Variants in SETD7 observed in about 807,000 individuals in gnomAD.
SETD7 encodes histone-lysine N-methyltransferase SETD7.
In SETD7, 16 loss-of-function variants were observed where a neutral mutation model predicts 41.8. That is an observed-to-expected ratio of 0.38 (90% confidence interval 0.26 to 0.58). The LOEUF is 0.58. SETD7 is among the 20% of genes least tolerant of loss of function. SETD7 has a pLI of 0.64. For synonymous variants in SETD7, 163 were observed against 169.7 expected (o/e 0.96, Z 0.31); for missense variants, 346 against 459.7 (o/e 0.75, Z 2.26).
In SETD7 at chr4:139,520,197, A is replaced by G. The variant is rs894352217; in HGVS notation, c.762+80T>C. Reference sequence around the variant, plus strand: ...AATCTGCTTCTTTAACTTTCTAGTGAGTACTAAGGTAAAGGGATTTTGTTT... The same window carrying G: ...AATCTGCTTCTTTAACTTTCTAGTGGGTACTAAGGTAAAGGGATTTTGTTT... On this transcript the variant is annotated intron_variant, in intron 6 of 7. Coordinates refer to ENST00000274031, the MANE Select transcript of SETD7 (RefSeq NM_030648.4). 1.4e-5 allele frequency: 8 copies of G among 590,012 alleles called. No homozygotes were observed. In the African/African-American group the frequency reaches 1.5e-4, roughly 11 times the overall value. 36.5% of individuals were successfully genotyped at this position (590,012 alleles called of 1,614,324 possible).
At chr4:139,523,674 G>T (rs895112326) in intron 4 of SETD7, among the ~76,000 whole-genome samples, 1 of 152,148 alleles carries the variant, frequency 6.6e-6, no homozygotes, top group Admixed American at 6.5e-5. Flanking sequence ...ATTCACTCTT[G>T]AATTTTCCTT....
chr4:139,499,295 G>C lies in SETD7; in HGVS notation c.921-2774C>G, dbSNP rs138870811. ...CAAAAATGGAAATCGAATTTGTAAA[G>C]ACTAACAAGAGGACGCAAGGTTAGA... On this transcript the variant is annotated intron_variant, in intron 7 of 7. Transcript: ENST00000506866. 1.4e-3 allele frequency among the ~76,000 whole-genome samples: 211 copies of C among 152,320 alleles called. 2 individuals carry two copies. The highest frequency in any genetic ancestry group is 4.8e-3 in the African/African-American group (201 of 41,566).
intron 7 of SETD7, among the ~76,000 whole-genome samples, chr4:139,499,766 C>T (rs761793655): frequency 1.3e-4 from 20 of 152,146 alleles, no homozygotes; most frequent in African/African-American, 2.4e-4. Context: ...ATTCTTTCTT[C>T]GCTGCAACAT....
intron 5 of SETD7, among the ~76,000 whole-genome samples, chr4:139,521,745 G>A (rs1344439763): frequency 6.6e-6 from 1 of 152,182 alleles, no homozygotes. Flanking sequence ...AGTGGCTGCA[G>A]GCAAGTCTCA....
At chr4:139,554,030 C>T (rs1728187276) in intron 1 of SETD7, among the ~76,000 whole-genome samples, 1 of 152,192 alleles carries the variant, frequency 6.6e-6, no homozygotes, top group Admixed American at 6.5e-5. Flanking sequence ...TGAGATGCTT[C>T]TAGGGGCTTT....
chr4:139,555,544 A>T lies in SETD7; in HGVS notation c.40+554T>A, dbSNP rs1280575736. Among the ~76,000 whole-genome samples, 1 of 152,052 alleles carries T rather than the reference A, an allele frequency of 6.6e-6. No individual in the cohort carries two copies. Among genetic ancestry groups the T allele is most frequent in the Admixed American group, 6.5e-5 (1 of 15,282 alleles). The stretch of plus-strand genomic sequence containing the variant: ...GACAATGATTTCATCTTTTCGGAAG[A>T]GCTGCCGCCTGGGCCGCGGCTGCCA... On this transcript the variant is annotated intron_variant, in intron 1 of 7. Coordinates refer to ENST00000274031, the MANE Select transcript of SETD7 (RefSeq NM_030648.4). This position sits in a 1 kb window ranked among gnomAD's most constrained non-coding sequence, Gnocchi z 4.0.
chr4:139,494,475 G>A (rs1287871988), downstream of SETD7, among the ~76,000 whole-genome samples: 3 of 152,156 alleles, frequency 2.0e-5, no homozygotes, highest in Non-Finnish European at 4.4e-5. Flanking sequence ...ATGGACAGGA[G>A]CCTTCTAAAA....
downstream of SETD7, among the ~76,000 whole-genome samples, chr4:139,504,524 A>G (rs927030667): frequency 4.6e-5 from 7 of 152,046 alleles, no homozygotes; most frequent in African/African-American, 1.7e-4. Context: ...TTATTTTTCA[A>G]CTAGAGGCTT....
Position 139,509,591 on chromosome 4 carries a change from G to A in SETD7, c.*2072C>T, listed in dbSNP as rs528610258. The stretch of plus-strand genomic sequence containing the variant: ...GACCAGCACTATCCTCTCCCTGACC[G>A]TATTCCCTGACCTGGCTGCACAACC... On this transcript the variant is annotated 3_prime_UTR_variant, in exon 8 of 8. Transcript: ENST00000274031. 7.2e-5 allele frequency: 33 copies of A among 459,532 alleles called. 1 individual carries two copies. The South Asian group carries it at 1.6e-3, about 22-fold the overall frequency. 28.5% of individuals were successfully genotyped at this position (459,532 alleles called of 1,614,324 possible).
chr4:139,524,404 G>A (rs142241886), intron 4 of SETD7, among the ~76,000 whole-genome samples: 1 of 152,348 alleles, frequency 6.6e-6, no homozygotes, highest in African/African-American at 2.4e-5. Context: ...AGATGGAGCC[G>A]TGAAGAGCCC....
In SETD7 at chr4:139,546,990, C is replaced by G; in HGVS notation, c.100G>C (p.Asp34His). 6.2e-7 allele frequency: 1 copy of G among 1,614,224 alleles called. No individual in the cohort carries two copies. Among genetic ancestry groups the G allele is most frequent in the Non-Finnish European group, 8.5e-7 (1 of 1,180,046 alleles). ...TGAACAAAGTTCCCCTCAAATCTGT[C>G]TGTGGAGGAGTAGGTGACTGTGCAG... is the stretch of plus-strand genomic sequence containing the variant. ...GFCTVTYSST[D>H]RFEGNFVHGE... Residue 34 changes from aspartate to histidine, a missense_variant, in exon 2 of 8, where the codon GAC becomes CAC. Physicochemically the swap from Asp to His is moderately conservative, Grantham distance 81. Around this residue, in one of 3 missense-constraint regions of SETD7, gnomAD observed 266 missense variants for 377.0 expected, o/e 0.71. Coordinates refer to ENST00000274031, the MANE Select transcript of SETD7 (RefSeq NM_030648.4).
At chr4:139,542,741 A>G (rs1333092083) in intron 2 of SETD7, among the ~76,000 whole-genome samples, 1 of 152,234 alleles carries the variant, frequency 6.6e-6, no homozygotes, top group East Asian at 1.9e-4. Flanking sequence ...TAAAAATAAA[A>G]TAAAATATTC....
intron 1 of SETD7, among the ~76,000 whole-genome samples, chr4:139,553,510 GAC>G (rs747559336): frequency 1.3e-5 from 2 of 152,208 alleles, no homozygotes; most frequent in Non-Finnish European, 2.9e-5. Flanking sequence ...AATGTAGGAA[GAC>G]AGTTTGGTCT....
chr4:139,493,524 C>A (rs532642005), downstream of SETD7, among the ~76,000 whole-genome samples: 5 of 151,286 alleles, frequency 3.3e-5, no homozygotes, highest in Admixed American at 1.3e-4. Flanking sequence ...AGGGTGATGG[C>A]AAGATGTACT....
At chr4:139,552,860 T>C (rs1021516514) in intron 1 of SETD7, among the ~76,000 whole-genome samples, 15 of 152,246 alleles carry the variant, frequency 9.9e-5, no homozygotes, top group Admixed American at 2.6e-4. Flanking sequence ...GATATATTTA[T>C]TTGAAATCAT....
At chr4:139,501,320 G>A (rs1186121050), downstream of SETD7, among the ~76,000 whole-genome samples, 3 of 151,782 alleles carry the variant, frequency 2.0e-5, no homozygotes, top group Non-Finnish European at 4.4e-5. Flanking sequence ...TCTAAGTGAA[G>A]TAACCAAGGA....
At chr4:139,549,304 GA>G (rs557613864) in intron 1 of SETD7, among the ~76,000 whole-genome samples, 151 of 152,192 alleles carry the variant, frequency 9.9e-4, no homozygotes, top group African/African-American at 3.3e-3. Flanking sequence ...TGAACACTAA[GA>G]AAAAAATGTC....
At chr4:139,554,888 A>T (rs1180243958) in intron 1 of SETD7, among the ~76,000 whole-genome samples, 1 of 152,202 alleles carries the variant, frequency 6.6e-6, no homozygotes, top group Non-Finnish European at 1.5e-5. Flanking sequence ...ATCCTTATGC[A>T]TTTGTAGTGT....
chr4:139,520,388 A>G lies in SETD7; in HGVS notation c.651T>C (p.Tyr217=). ...CACTGGAAATAAGAGATTCAGCAAC[A>G]TAAACCCTAAATTGAAAAAAGAGTT... is the stretch of plus-strand genomic sequence containing the variant. ...LPDPYESERV[Y]VAESLISSAG... The change falls in exon 6 of 8, where the codon TAT becomes TAC. Residue 217 remains tyrosine (Y), a synonymous_variant. Transcript: ENST00000274031. 6.3e-7 allele frequency: 1 copy of G among 1,592,940 alleles called. No individual in the cohort carries two copies. The highest frequency in any genetic ancestry group is 1.3e-5 in the African/African-American group (1 of 74,248).
Sources: allele counts gnomAD v4.1 joint callset (sites outside exome capture counted in the v4.1 genomes callset), GRCh38; gene constraint gnomAD v4.1.1; regional missense constraint gnomAD v4.1.1; non-coding constraint Gnocchi (gnomAD v3.1); transcripts MANE v1.5; gene names NCBI Gene and HGNC (gene_info 2026-07-23, HGNC 2026-07-21).